PPP2R3A: variants seen among roughly 807,000 people sequenced by gnomAD.
PPP2R3A encodes the protein serine/threonine-protein phosphatase 2A regulatory subunit B'' subunit alpha.
PPP2R3A carries 80 observed loss-of-function variants against 106.9 expected under a neutral mutation model. The observed-to-expected ratio is 0.75, with a 90% CI of 0.62 to 0.90. PPP2R3A has a LOEUF of 0.90. Among genes scored for constraint, PPP2R3A ranks in the 40% least tolerant of loss-of-function variants. The pLI, the probability that PPP2R3A is intolerant of heterozygous loss-of-function variation, is 0.00. For synonymous variants in PPP2R3A, 483 were observed against 468.3 expected, an observed-to-expected ratio of 1.03 and a Z score of -0.41; for missense variants, 1,386 against 1,350.4, an observed-to-expected ratio of 1.03 and a Z score of -0.41.
At chr3:136,042,928 A>C (rs1935335245) in intron 4 of PPP2R3A, among the ~76,000 whole-genome samples, 1 of 151,864 alleles carries the variant, frequency 6.6e-6, no homozygotes, top group South Asian at 2.1e-4. Flanking sequence ...TGGTGGTGTG[A>C]GTTACCACGT....
chr3:136,050,249 CTG>C (rs1559889593), intron 5 of PPP2R3A, among the ~76,000 whole-genome samples: 1 of 152,166 alleles, frequency 6.6e-6, no homozygotes, highest in Non-Finnish European at 1.5e-5. Context: ...ATTTTAAACT[CTG>C]TGTGTTGTAT....
rs1020750938 is a variant in PPP2R3A at position 136,002,318 on chromosome 3, T to A, written c.820T>A (p.Ser274Thr). The change falls in exon 2 of 14, where the codon TCT becomes ACT. Residue 274 changes from serine (S) to threonine (T), a missense_variant. Ser to Thr is a moderately conservative substitution (Grantham distance 58). Coordinates refer to ENST00000264977, the MANE Select transcript of PPP2R3A (RefSeq NM_002718.5). ...EGSGNDTISS[S>T]ETVYMNVMTR... The stretch of plus-strand genomic sequence containing the variant: ...AAGTGGTAATGATACAATTTCTAGC[T>A]CTGAAACTGTCTATATGAATGTAAT... 6.2e-6 allele frequency: 10 copies of A among 1,613,266 alleles called. No individual in the cohort carries two copies. The Admixed American group carries it at 1.2e-4, about 19-fold the overall frequency.
In PPP2R3A at chr3:136,145,464, CG is replaced by C. The variant is rs150940975; in HGVS notation, c.*300del. ...GATCTCTTGGCGACAGTACCAAGCA[CG>C]GTTCTCTACACAGGTGACTGAAGTT... On this transcript the variant is annotated 3_prime_UTR_variant, in exon 14 of 14. Coordinates refer to ENST00000264977, the MANE Select transcript of PPP2R3A (RefSeq NM_002718.5). The C allele has an allele frequency of 0.013, 2,485 of 195,676 alleles. 67 individuals carry two copies. The highest frequency in any genetic ancestry group is 0.056 in the African/African-American group (2,352 of 42,154). The allele number at this position is 195,676 out of a possible 1,614,324, so 12.1% of individuals were successfully genotyped here.
chr3:135,995,972 A>G (rs1370330748), intron 1 of PPP2R3A, among the ~76,000 whole-genome samples: 3 of 152,128 alleles, frequency 2.0e-5, no homozygotes, highest in Non-Finnish European at 4.4e-5. Context: ...TTCTTAAAAG[A>G]GTGTTCTGCT....
chr3:136,007,297 G>A (rs1320807551), intron 2 of PPP2R3A, among the ~76,000 whole-genome samples: 1 of 152,190 alleles, frequency 6.6e-6, no homozygotes, highest in Non-Finnish European at 1.5e-5. Flanking sequence ...AACCAAGTGA[G>A]GGGATGTTCA....
At chr3:136,079,695 C>T (rs1366836221) in intron 7 of PPP2R3A, among the ~76,000 whole-genome samples, 1 of 151,968 alleles carries the variant, frequency 6.6e-6, no homozygotes, top group Non-Finnish European at 1.5e-5. Context: ...GCGTGAGCCA[C>T]CATGCCTGGC....
At chr3:136,050,100 G>A (rs72983449) in intron 5 of PPP2R3A, among the ~76,000 whole-genome samples, 1,865 of 152,278 alleles carry the variant, frequency 0.012, 32 homozygotes, top group African/African-American at 0.042. Flanking sequence ...GATTTCAGCT[G>A]AGATTAGTAA....
chr3:136,082,333 CTA>C lies in PPP2R3A; in HGVS notation c.2702_2703del (p.Tyr901CysfsTer5). On this transcript the variant is annotated frameshift_variant, in exon 8 of 14. Coordinates refer to ENST00000264977, the MANE Select transcript of PPP2R3A (RefSeq NM_002718.5). LOFTEE classifies it high-confidence loss of function. Reference sequence around the variant, plus strand: ...CAGATTACTTCTCCTATGAACATTTCTATGTTATTTATTGTAAATTCTGGGAA... The same window carrying C: ...CAGATTACTTCTCCTATGAACATTTCTGTTATTTATTGTAAATTCTGGGAA... ...ITDYFSYEHF[Y>X]VIYCKFWELD... 2 of 1,607,232 alleles carry C rather than the reference CTA, an allele frequency of 1.2e-6. No homozygotes were observed. The highest frequency in any genetic ancestry group is 1.7e-6 in the Non-Finnish European group (2 of 1,173,810).
chr3:136,058,134 G>C (rs1935939787), intron 5 of PPP2R3A, among the ~76,000 whole-genome samples: 1 of 152,100 alleles, frequency 6.6e-6, no homozygotes, highest in Non-Finnish European at 1.5e-5. Context: ...TATATGACAA[G>C]CATCATACTG....
intron 1 of PPP2R3A, among the ~76,000 whole-genome samples, chr3:135,979,836 T>G (rs2107757659): frequency 6.6e-6 from 1 of 151,854 alleles, no homozygotes; most frequent in East Asian, 1.9e-4. Context: ...TAGCAAGAGC[T>G]GAAAGAAAAA....
At position 136,068,616 on chromosome 3, in the gene PPP2R3A, T is replaced by C. The variant is rs1333892303; in HGVS notation, c.2470-1862T>C. 2.0e-5 allele frequency among the ~76,000 whole-genome samples: 3 copies of C among 152,186 alleles called. No individual in the cohort carries two copies. The East Asian group carries it at 5.8e-4, about 29-fold the overall frequency. On this transcript the variant is annotated intron_variant, in intron 5 of 13. Coordinates refer to ENST00000264977, the MANE Select transcript of PPP2R3A (RefSeq NM_002718.5). The stretch of plus-strand genomic sequence containing the variant: ...GTAGACAGAATAGAAACAAAATCAC[T>C]ATTAAGTAAACACTACAGTGTAAAT...
rs762045451 is a variant in PPP2R3A, at chr3:136,002,189, A to C, written c.691A>C (p.Met231Leu). 7 of 1,613,552 alleles carry C rather than the reference A, an allele frequency of 4.3e-6. No individual in the cohort carries two copies. The highest frequency in any genetic ancestry group is 2.2e-5 in the East Asian group (1 of 44,868). Residue 231 changes from methionine (M) to leucine (L), a missense_variant, in exon 2 of 14, where the codon ATG becomes CTG. Coordinates refer to ENST00000264977, the MANE Select transcript of PPP2R3A (RefSeq NM_002718.5). ...TTTTTCTTCTGGGACAGACATAAAG[A>C]TGTGCTTGGACATCTTATTGAAATG... Reference protein sequence around the residue: ...DNFSSGTDIKMCLDILLKCSE... With the variant: ...DNFSSGTDIKLCLDILLKCSE...
chr3:136,018,399 T>C (rs1934350082), intron 2 of PPP2R3A, among the ~76,000 whole-genome samples: 1 of 152,236 alleles, frequency 6.6e-6, no homozygotes, highest in African/African-American at 2.4e-5. Flanking sequence ...TTGTCCTGTG[T>C]AATCAACCCA....
At chr3:136,075,261 A>G (rs1018289708) in intron 6 of PPP2R3A, among the ~76,000 whole-genome samples, 1 of 152,234 alleles carries the variant, frequency 6.6e-6, no homozygotes, top group African/African-American at 2.4e-5. Context: ...CATTTATTTC[A>G]CTAGCAGAAA....
chr3:135,986,367 A>C (rs1252831224), intron 1 of PPP2R3A, among the ~76,000 whole-genome samples: 1 of 152,062 alleles, frequency 6.6e-6, no homozygotes, highest in Non-Finnish European at 1.5e-5. Flanking sequence ...ACCCTCTTTC[A>C]CTTCAGCAAC....
Position 135,993,202 on chromosome 3 carries a change from T to C in PPP2R3A, c.-440-7857T>C, listed in dbSNP as rs1225064843. Reference sequence around the variant, plus strand: ...AGATAATATCTGTATTTAAAATATATATGTAATGAACTCTTAGAATTCACT... The same window carrying C: ...AGATAATATCTGTATTTAAAATATACATGTAATGAACTCTTAGAATTCACT... On this transcript the variant is annotated intron_variant, in intron 1 of 13. Transcript: ENST00000264977. 2.0e-5 allele frequency among the ~76,000 whole-genome samples: 3 copies of C among 152,160 alleles called. No individual in the cohort carries two copies. In the East Asian group the frequency reaches 5.8e-4, roughly 29 times the overall value.
chr3:136,000,711 T>C (rs1473611888), intron 1 of PPP2R3A, among the ~76,000 whole-genome samples: 5 of 152,084 alleles, frequency 3.3e-5, no homozygotes, highest in Non-Finnish European at 7.4e-5. Context: ...TCAAAAGAGG[T>C]AGACTTGCTG....
In PPP2R3A at chr3:136,001,151, T is replaced by C. The variant is rs1933608510; in HGVS notation, c.-348T>C. On this transcript the variant is annotated 5_prime_UTR_variant, in exon 2 of 14. Transcript: ENST00000264977. ...CTCTACTACCAACTAAGATTTATGA[T>C]AGTAAATTTATGAGAGCAAATTTCC... is the stretch of plus-strand genomic sequence containing the variant. 1 of 408,312 alleles carries C rather than the reference T, an allele frequency of 2.4e-6. No homozygotes were observed. Among genetic ancestry groups the C allele is most frequent in the Non-Finnish European group, 4.3e-6 (1 of 232,446 alleles). 25.3% of individuals were successfully genotyped at this position (408,312 alleles called of 1,614,324 possible).
chr3:136,013,161 T>A (rs917839980), intron 2 of PPP2R3A, among the ~76,000 whole-genome samples: 54 of 105,274 alleles, frequency 5.1e-4, no homozygotes, highest in Non-Finnish European at 9.0e-4. Flanking sequence ...TTCCATGGTG[T>A]GTGTGTGTGT....
Sources: allele counts gnomAD v4.1 joint callset (sites outside exome capture counted in the v4.1 genomes callset), GRCh38; gene constraint gnomAD v4.1.1; transcripts MANE v1.5; gene names NCBI Gene and HGNC (gene_info 2026-07-23, HGNC 2026-07-21).